The following SNRK variants were observed in gnomAD, a reference collection of about 807,000 sequenced individuals.
SNRK encodes SNF related kinase.
In SNRK, 3 loss-of-function variants were observed where a neutral mutation model predicts 48.2. The ratio of observed to expected loss-of-function variants is 0.06; its 90% CI spans 0.03 to 0.16. SNRK has a LOEUF of 0.16. Ranked by LOEUF, SNRK falls within the 10% of genes least tolerant of loss-of-function variation. The pLI is 1.00. For missense variants in SNRK, 627 were observed against 976.0 expected (o/e 0.64, Z 4.76); for synonymous variants, 376 against 366.1 (o/e 1.03, Z -0.31).
chr3:43,296,276 A>G (rs2090852089), intron 1 of SNRK, among the ~76,000 whole-genome samples: 1 of 151,840 alleles, frequency 6.6e-6, no homozygotes, highest in African/African-American at 2.4e-5. Flanking sequence ...ACTGTTTCTC[A>G]GGAAGGATTA....
chr3:43,332,985 TA>T (rs751091622), intron 4 of SNRK: 25 of 152,180 alleles, frequency 1.6e-4, no homozygotes, highest in Non-Finnish European at 2.9e-4. Flanking sequence ...CAGCTGAGAT[TA>T]TAGCCACTAC....
At chr3:43,297,642 T>G (rs1048520325) in intron 1 of SNRK, among the ~76,000 whole-genome samples, 1 of 152,118 alleles carries the variant, frequency 6.6e-6, no homozygotes, top group African/African-American at 2.4e-5. Context: ...TCTCCTGAAT[T>G]AAACAGATTT....
intron 2 of SNRK, among the ~76,000 whole-genome samples, chr3:43,302,491 C>T (rs568054437): frequency 1.7e-4 from 26 of 152,138 alleles, no homozygotes; most frequent in Admixed American, 8.5e-4. Context: ...CCCTGAGAAC[C>T]TGCTACTGTC....
At chr3:43,328,700 T>C (rs1351060163) in intron 3 of SNRK, among the ~76,000 whole-genome samples, 2 of 152,154 alleles carry the variant, frequency 1.3e-5, no homozygotes, top group African/African-American at 4.8e-5. Context: ...AAAACCTGAA[T>C]TACTAAGAAT....
chr3:43,335,882 G>A (rs879408834), intron 4 of SNRK, among the ~76,000 whole-genome samples: 1 of 152,164 alleles, frequency 6.6e-6, no homozygotes. Context: ...CCAGTCTTCT[G>A]TTGGCTACCA....
chr3:43,298,770 T>G (rs1207451783), intron 1 of SNRK, among the ~76,000 whole-genome samples: 1 of 152,242 alleles, frequency 6.6e-6, no homozygotes, highest in African/African-American at 2.4e-5. Context: ...TATTCCCTCA[T>G]TGTGCCATGA....
chr3:43,292,437 T>G (rs2125612071), intron 1 of SNRK, among the ~76,000 whole-genome samples: 1 of 152,368 alleles, frequency 6.6e-6, no homozygotes, highest in South Asian at 2.1e-4. Flanking sequence ...TTGACTAAAC[T>G]TAAGTATAAT....
chr3:43,334,493 T>A lies in SNRK; in HGVS notation c.731+2183T>A, dbSNP rs369511339. Among the ~76,000 whole-genome samples, 591 of 152,034 alleles carry A rather than the reference T, an allele frequency of 3.9e-3. 4 individuals carry two copies. Among genetic ancestry groups the A allele is most frequent in the South Asian group, 0.027 (128 of 4,816 alleles). On this transcript the variant is annotated intron_variant, in intron 4 of 6. Coordinates refer to ENST00000296088, the MANE Select transcript of SNRK (RefSeq NM_017719.5). ...AAAAAAATTATTGGGACTATTTAGGTTTTTAAAATTTTTTCCTATTTCAGT... is the reference window on the plus strand; with the variant it reads ...AAAAAAATTATTGGGACTATTTAGGATTTTAAAATTTTTTCCTATTTCAGT...
intron 3 of SNRK, among the ~76,000 whole-genome samples, chr3:43,305,992 A>G (rs2090934863): frequency 6.6e-6 from 1 of 152,084 alleles, no homozygotes; most frequent in Non-Finnish European, 1.5e-5. Flanking sequence ...GTTCATTGTA[A>G]TGTTCCTTTT....
intron 3 of SNRK, among the ~76,000 whole-genome samples, chr3:43,320,460 G>A (rs1296352637): frequency 6.6e-6 from 1 of 152,116 alleles, no homozygotes; most frequent in African/African-American, 2.4e-5. Flanking sequence ...CCCCTGAGAT[G>A]GTGTGACTGA....
At chr3:43,340,250 C>T in intron 4 of SNRK, 37 bp from the exon 5 acceptor site, 1 of 1,479,892 alleles carries the variant, frequency 6.8e-7, no homozygotes, top group Non-Finnish European at 9.4e-7. Flanking sequence ...TCCTTGCAAG[C>T]AGTTTGCTTT....
intron 4 of SNRK, among the ~76,000 whole-genome samples, chr3:43,336,302 TGCTCTCTCCCTCTG>T: frequency 1.4e-5 from 1 of 69,038 alleles, no homozygotes; most frequent in Non-Finnish European, 3.9e-5. Context: ...CTCCCTCCCT[TGCTCTCTCCCTCTG>T]TCCGCCTTCC....
intron 3 of SNRK, among the ~76,000 whole-genome samples, chr3:43,322,403 T>G (rs1055835731): frequency 2.6e-5 from 4 of 152,214 alleles, no homozygotes; most frequent in Non-Finnish European, 5.9e-5. Flanking sequence ...TGATTACAGT[T>G]CGTGGATGTA....
At chr3:43,297,924 A>G (rs948082480) in intron 1 of SNRK, among the ~76,000 whole-genome samples, 1 of 152,074 alleles carries the variant, frequency 6.6e-6, no homozygotes, top group Non-Finnish European at 1.5e-5. Flanking sequence ...GAACTGGTCT[A>G]TCTTATGAAA....
Position 43,343,310 on chromosome 3 carries a change from T to G in SNRK, c.945-34T>G, listed in dbSNP as rs1244345327. On this transcript the variant is annotated intron_variant, in intron 5 of 6. Coordinates refer to ENST00000296088, the MANE Select transcript of SNRK (RefSeq NM_017719.5). The stretch of plus-strand genomic sequence containing the variant: ...CTTCTTGTAAAAAAACCTCCTGATA[T>G]GGCTGACGTTTGCTCTCACCTTGTT... The G allele has an allele frequency of 3.8e-6, 6 of 1,559,638 alleles. No individual in the cohort carries two copies. The African/African-American group carries it at 4.2e-5, about 11-fold the overall frequency.
chr3:43,343,568 G>T (rs1404047894), intron 6 of SNRK, 90 bp downstream of exon 6: 4 of 1,378,322 alleles, frequency 2.9e-6, no homozygotes, highest in Non-Finnish European at 4.0e-6. Flanking sequence ...CTAACTCTTT[G>T]GGGCAAGAGA....
chr3:43,346,781 A>T (rs920048033), intron 6 of SNRK: 1 of 152,080 alleles, frequency 6.6e-6, no homozygotes, highest in Non-Finnish European at 1.5e-5. Context: ...AGTTTTTTTT[A>T]ATTGGAGAAG....
intron 1 of SNRK, among the ~76,000 whole-genome samples, chr3:43,296,421 T>TATATACATAC (rs146130688): frequency 1.4e-5 from 2 of 144,690 alleles, no homozygotes; most frequent in African/African-American, 5.1e-5. Context: ...CTGGCATATA[T>TATATACATAC]ATATATATAT....
intron 3 of SNRK, among the ~76,000 whole-genome samples, chr3:43,315,961 G>A (rs548770635): frequency 6.6e-5 from 10 of 152,218 alleles, no homozygotes; most frequent in East Asian, 1.9e-4. Context: ...AATTTCACAC[G>A]CCTATAAGAA....
Sources: allele counts gnomAD v4.1 joint callset (sites outside exome capture counted in the v4.1 genomes callset), GRCh38; gene constraint gnomAD v4.1.1; transcripts MANE v1.5; gene names NCBI Gene and HGNC (gene_info 2026-07-23, HGNC 2026-07-21).